MTMR9: variants seen among roughly 807,000 people sequenced by gnomAD.
The protein encoded by MTMR9 is myotubularin related protein 9, also known as myotubularin-related protein 9.
In MTMR9, 39 loss-of-function variants were observed where a neutral mutation model predicts 69.5. The observed-to-expected ratio is 0.56, with a 90% confidence interval of 0.43 to 0.73. The LOEUF (loss-of-function observed/expected upper bound fraction) is 0.73, where lower values mean the gene tolerates loss of function less well. Among genes scored for constraint, MTMR9 ranks in the 30% least tolerant of loss-of-function variants. The pLI is 0.00. For synonymous variants in MTMR9, 354 were observed against 240.8 expected (o/e 1.47, Z -4.35); for missense variants, 900 against 671.2 (o/e 1.34, Z -3.77).
intron 5 of MTMR9, among the ~76,000 whole-genome samples, chr8:11,307,295 C>G (rs905210712): frequency 6.6e-6 from 1 of 152,186 alleles, no homozygotes; most frequent in Non-Finnish European, 1.5e-5. Context: ...TGGTCTCGAA[C>G]TCCTGACCTC....
rs768475759 is a variant in MTMR9, at chr8:11,284,892, G to C, written c.4G>C (p.Glu2Gln). M[E>Q]FAELIKTPRV... ...CTGGCTCCGGCCGCGGGGGAGCATG[G>C]AGTTTGCGGAGCTGATTAAGACCCC... Residue 2 changes from glutamate (E) to glutamine (Q), a missense_variant, in exon 1 of 10, where the codon GAG becomes CAG. Physicochemically the swap from Glu to Gln is conservative, Grantham distance 29. Transcript: ENST00000221086. 1.2e-6 allele frequency: 2 copies of C among 1,603,404 alleles called. No individual in the cohort carries two copies. Among genetic ancestry groups the C allele is most frequent in the South Asian group, 2.2e-5 (2 of 89,724 alleles).
intron 5 of MTMR9, 139 bp downstream of exon 5, chr8:11,306,546 A>AT (rs140635245): frequency 8.6e-4 from 620 of 718,316 alleles, no homozygotes; most frequent in Non-Finnish European, 1.0e-3. Context: ...CCATCTTCTC[A>AT]TTTTTTTTTG....
intron 2 of MTMR9, among the ~76,000 whole-genome samples, chr8:11,299,409 C>G (rs1240577331): frequency 6.6e-6 from 1 of 152,194 alleles, no homozygotes; most frequent in Admixed American, 6.5e-5. Context: ...TCTCTTAATG[C>G]TTCAACAACA....
At chr8:11,332,011 A>G (rs564055479), downstream of MTMR9, 88 of 1,611,834 alleles carry the variant, frequency 5.5e-5, no homozygotes, top group Admixed American at 9.2e-4. Flanking sequence ...TATATGCTCC[A>G]TGAGACTGTG....
intron 1 of MTMR9, among the ~76,000 whole-genome samples, chr8:11,288,140 C>G (rs1056032528): frequency 9.2e-5 from 12 of 130,694 alleles, no homozygotes; most frequent in African/African-American, 3.2e-4. Context: ...AAATATTCAC[C>G]TAATTATTCA....
At chr8:11,305,522 TGAAA>T (rs1246958336) in intron 4 of MTMR9, among the ~76,000 whole-genome samples, 1 of 152,174 alleles carries the variant, frequency 6.6e-6, no homozygotes, top group Non-Finnish European at 1.5e-5. Flanking sequence ...GGTGGCGTCT[TGAAA>T]GAACTCTAAA....
At chr8:11,285,098 C>T (rs1224335632) in intron 1 of MTMR9, 28 bp downstream of exon 1, 6 of 1,529,962 alleles carry the variant, frequency 3.9e-6, no homozygotes, top group Middle Eastern at 1.8e-4. Context: ...CCCAGCTCCG[C>T]AGGGAGCCGG....
At chr8:11,295,353 TCAGTGTAGCTCTTCCATTTC>T in intron 2 of MTMR9, 51 bp downstream of exon 2, 1 of 980,164 alleles carries the variant, frequency 1.0e-6, no homozygotes, top group Non-Finnish European at 1.6e-6. Context: ...ATATTATGAC[TCAGTGTAGCTCTTCCATTTC>T]TTCATTAGAT....
chr8:11,303,820 C>T (rs1179415382), intron 3 of MTMR9, among the ~76,000 whole-genome samples: 2 of 152,054 alleles, frequency 1.3e-5, no homozygotes, highest in East Asian at 3.9e-4. Flanking sequence ...AGGTGTGAAC[C>T]ACTGTGCCCA....
At position 11,295,256 on chromosome 8, in the gene MTMR9, A is replaced by T; in HGVS notation, c.245A>T (p.Asp82Val). ...KCKDFRIIQL[D>V]IPGMEECLNI... ...AAAGATTTTCGAATTATTCAGTTGG[A>T]TATTCCTGGAATGGAGGAATGCTTG... is the stretch of plus-strand genomic sequence containing the variant. The change falls in exon 2 of 10, where the codon GAT (aspartate) becomes GTT (valine). Residue 82 changes from aspartate to valine, a missense_variant. By Grantham distance (152) the Asp-to-Val change is radical (BLOSUM62 -3). Coordinates refer to ENST00000221086, the MANE Select transcript of MTMR9 (RefSeq NM_015458.4). 1 of 1,611,726 alleles carries T rather than the reference A, an allele frequency of 6.2e-7. No individual in the cohort carries two copies. Among genetic ancestry groups the T allele is most frequent in the Admixed American group, 1.7e-5 (1 of 59,934 alleles).
intron 2 of MTMR9, among the ~76,000 whole-genome samples, chr8:11,297,427 A>C (rs990675228): frequency 2.6e-5 from 4 of 152,182 alleles, no homozygotes; most frequent in Non-Finnish European, 4.4e-5. Context: ...GAATGCATGT[A>C]GTTTATAGAC....
intron 8 of MTMR9, chr8:11,319,426 G>T: frequency 2.2e-6 from 1 of 447,400 alleles, no homozygotes; most frequent in Non-Finnish European, 4.0e-6. Context: ...CACCAAACCT[G>T]ATGTGACCAG....
At chr8:11,336,069 G>C in the MTMR9 span, among the ~76,000 whole-genome samples, 1 of 152,168 alleles carries the variant, frequency 6.6e-6, no homozygotes, top group Admixed American at 6.5e-5. Flanking sequence ...TTTTGGTGAG[G>C]ACAAATCACT....
intron 2 of MTMR9, among the ~76,000 whole-genome samples, chr8:11,298,374 G>A (rs953021796): frequency 2.6e-5 from 4 of 151,846 alleles, no homozygotes; most frequent in African/African-American, 9.7e-5. Flanking sequence ...CAGTATAGAT[G>A]TAGGAAAAAT....
intron 9 of MTMR9, among the ~76,000 whole-genome samples, chr8:11,321,795 C>A (rs769649883): frequency 1.3e-5 from 2 of 152,182 alleles, no homozygotes; most frequent in Non-Finnish European, 2.9e-5. Context: ...TCTGCTTTCC[C>A]TTTCTGATAC....
chr8:11,330,011 G>A (rs538423125), downstream of MTMR9, among the ~76,000 whole-genome samples: 19 of 149,472 alleles, frequency 1.3e-4, no homozygotes, highest in Admixed American at 4.6e-4. Context: ...CAGCTGCCCC[G>A]TCTGGGAAGT....
intron 7 of MTMR9, 63 bp downstream of exon 7, chr8:11,315,127 G>A: frequency 6.4e-7 from 1 of 1,563,332 alleles, no homozygotes; most frequent in South Asian, 1.1e-5. Context: ...TGCTTTGTGT[G>A]GTAGCTGACA....
chr8:11,325,111 G>C lies in MTMR9; in HGVS notation c.*2323G>C, dbSNP rs1460362523. ...ACTGTTTTGGCAAGTTTGCATTTTA[G>C]TATTAATTTATAATTAGGGATTGTT... On this transcript the variant is annotated 3_prime_UTR_variant, in exon 10 of 10. Coordinates refer to ENST00000221086, the MANE Select transcript of MTMR9 (RefSeq NM_015458.4). 1 of 152,178 alleles carries C rather than the reference G, an allele frequency of 6.6e-6. No homozygotes were observed. The highest frequency in any genetic ancestry group is 1.5e-5 in the Non-Finnish European group (1 of 68,032). The allele number at this position is 152,178 out of a possible 1,614,324, so 9.4% of individuals were successfully genotyped here. A position where few individuals can be genotyped will look rare whatever the true frequency, so the allele number is the denominator to read the frequency against.
At chr8:11,321,441 C>T (rs1347148754) in intron 9 of MTMR9, 1 of 456,440 alleles carries the variant, frequency 2.2e-6, no homozygotes, top group Non-Finnish European at 4.4e-6. Flanking sequence ...GGGAGAAAAC[C>T]CACATTGGGA....
Sources: gnomAD v4.1 joint callset for allele counts (sites outside exome capture counted in the v4.1 genomes callset) on GRCh38, gnomAD v4.1.1 for gene constraint, MANE v1.5 for transcripts, NCBI Gene and HGNC (gene_info 2026-07-23, HGNC 2026-07-21) for gene names.